The following WDR70 variants were observed in gnomAD, a reference collection of about 807,000 sequenced individuals.
The protein encoded by WDR70 is WD repeat domain 70.
In WDR70, 53 loss-of-function variants were observed where a neutral mutation model predicts 88.6. The observed-to-expected ratio is 0.60, with a 90% CI of 0.48 to 0.75. The LOEUF is 0.75. Among genes scored for constraint, WDR70 ranks in the 30% least tolerant of loss-of-function variants. WDR70 has a pLI of 0.00. For missense variants in WDR70, 610 were observed against 823.2 expected, an observed-to-expected ratio of 0.74 and a Z score of 3.17; for synonymous variants, 280 against 270.0, an observed-to-expected ratio of 1.04 and a Z score of -0.36.
At chr5:37,655,791 T>A (rs966016743) in intron 10 of WDR70, among the ~76,000 whole-genome samples, 1 of 151,916 alleles carries the variant, frequency 6.6e-6, no homozygotes, top group African/African-American at 2.4e-5. Context: ...CTCCATCAGA[T>A]CATTTATGTT....
intron 4 of WDR70, among the ~76,000 whole-genome samples, 192 bp from the exon 5 acceptor site, chr5:37,396,183 C>T (rs369352341): frequency 2.7e-3 from 83 of 31,224 alleles, no homozygotes; most frequent in East Asian, 0.024. Context: ...CTGCGTAAGA[C>T]GGTTTTTTTT....
At position 37,729,547 on chromosome 5, in the gene WDR70, C is replaced by T. The variant is rs12173088; in HGVS notation, c.1877+2502C>T. Reference sequence around the variant, plus strand: ...CCAGCTCTTATTTGTTCAGGTCTGGCATATACATTAACTAGTTTTAGAATT... The same window carrying T: ...CCAGCTCTTATTTGTTCAGGTCTGGTATATACATTAACTAGTTTTAGAATT... On this transcript the variant is annotated intron_variant, in intron 17 of 17. Coordinates refer to ENST00000265107, the MANE Select transcript of WDR70 (RefSeq NM_018034.4). Among the ~76,000 whole-genome samples, 965 of 152,284 alleles carry T rather than the reference C, an allele frequency of 6.3e-3. 6 individuals are homozygous for T. The highest frequency in any genetic ancestry group is 0.018 in the African/African-American group (733 of 41,554).
At chr5:37,452,953 C>G (rs1031996521) in intron 7 of WDR70, among the ~76,000 whole-genome samples, 1 of 152,294 alleles carries the variant, frequency 6.6e-6, no homozygotes, top group Non-Finnish European at 1.5e-5. Context: ...TTGGGCATCT[C>G]TGACGAATTT....
rs1017512999 is a variant in WDR70, at chr5:37,392,094, C to T, written c.270C>T (p.Val90=). 1 of 1,610,910 alleles carries T rather than the reference C, an allele frequency of 6.2e-7. No homozygotes were observed. The highest frequency in any genetic ancestry group is 1.3e-5 in the African/African-American group (1 of 74,566). The change falls in exon 4 of 18, where the codon GTC becomes GTT. Residue 90 remains valine, a synonymous_variant. Coordinates refer to ENST00000265107, the MANE Select transcript of WDR70 (RefSeq NM_018034.4). ...IEPTSSRSNV[V]RDCSKSSSRD... ...CAACATCCTCAAGATCAAATGTGGT[C>T]AGAGATTGCTCCAAATCATCTTCCA...
chr5:37,448,810 C>T (rs1402138363), intron 7 of WDR70, among the ~76,000 whole-genome samples: 22 of 152,016 alleles, frequency 1.4e-4, no homozygotes, highest in Admixed American at 1.4e-3. Flanking sequence ...TAGTCCCTGA[C>T]TGTTTCTCAG....
intron 10 of WDR70, among the ~76,000 whole-genome samples, chr5:37,657,087 C>T (rs554571217): frequency 2.6e-5 from 4 of 152,254 alleles, no homozygotes; most frequent in East Asian, 1.9e-4. Context: ...CCCAAATGGC[C>T]GCCCAGTTTT....
intron 9 of WDR70, among the ~76,000 whole-genome samples, chr5:37,527,549 A>T (rs1207637094): frequency 6.6e-6 from 1 of 152,222 alleles, no homozygotes; most frequent in Non-Finnish European, 1.5e-5. Flanking sequence ...AACCTAGGCA[A>T]TACAATTCAG....
intron 8 of WDR70, chr5:37,506,916 CA>C: frequency 1.1e-6 from 1 of 871,210 alleles, no homozygotes; most frequent in Non-Finnish European, 2.0e-6. Flanking sequence ...GTCCTCCTCC[CA>C]CCTTTTTCTC....
At chr5:37,457,870 G>A (rs999489005) in intron 7 of WDR70, among the ~76,000 whole-genome samples, 1 of 151,972 alleles carries the variant, frequency 6.6e-6, no homozygotes, top group East Asian at 1.9e-4. Flanking sequence ...ATGTTGAATA[G>A]GAGCGGTGAG....
intron 8 of WDR70, among the ~76,000 whole-genome samples, chr5:37,481,341 T>A (rs1413325236): frequency 6.6e-6 from 1 of 151,996 alleles, no homozygotes; most frequent in Non-Finnish European, 1.5e-5. Context: ...CCCCCCCCGC[T>A]CCCTGCAGCA....
intron 9 of WDR70, among the ~76,000 whole-genome samples, chr5:37,527,726 C>G (rs1741334445): frequency 6.6e-6 from 1 of 152,144 alleles, no homozygotes; most frequent in East Asian, 1.9e-4. Flanking sequence ...TTTTTGCAAT[C>G]TACTCATCTG....
At position 37,722,882 on chromosome 5, in the gene WDR70, C is replaced by G; in HGVS notation, c.1545C>G (p.Thr515=). The stretch of plus-strand genomic sequence containing the variant: ...GAGCAAAATTATGTGTGGTTAAAAC[C>G]CAGCGGAAGGCAAAACAAGCTGAGA... ...QRGAKLCVVK[T]QRKAKQAETL... The change falls in exon 15 of 18, where the codon ACC becomes ACG. Residue 515 remains threonine (T), a synonymous_variant. Coordinates refer to ENST00000265107, the MANE Select transcript of WDR70 (RefSeq NM_018034.4). 5 of 1,613,548 alleles carry G rather than the reference C, an allele frequency of 3.1e-6. No individual in the cohort carries two copies. The South Asian group carries it at 4.4e-5, about 14-fold the overall frequency.
rs549470575 is a variant in WDR70 at position 37,573,542 on chromosome 5, C to T, written c.918-31522C>T. Among the ~76,000 whole-genome samples, 46 of 139,082 alleles carry T rather than the reference C, an allele frequency of 3.3e-4. No homozygotes were observed. The South Asian group carries it at 0.012, about 36-fold the overall frequency. The allele number at this position is 139,082 out of a possible 152,430, so 91.2% of individuals were successfully genotyped here. On this transcript the variant is annotated intron_variant, in intron 9 of 17. Transcript: ENST00000265107. ...CTATCCCTCCCCCCTCCCCCCACCC[C>T]ACAACAGCCCCCAGTGTGTGATGTG...
intron 10 of WDR70, among the ~76,000 whole-genome samples, chr5:37,663,669 G>A (rs1421517186): frequency 6.6e-6 from 1 of 152,044 alleles, no homozygotes; most frequent in African/African-American, 2.4e-5. Context: ...GAAAAATAGG[G>A]ACAATAGGCC....
chr5:37,462,954 G>C lies in WDR70; in HGVS notation c.687-16880G>C, dbSNP rs1331811411. On this transcript the variant is annotated intron_variant, in intron 7 of 17. Coordinates refer to ENST00000265107, the MANE Select transcript of WDR70 (RefSeq NM_018034.4). The stretch of plus-strand genomic sequence containing the variant: ...CATCTCTGTATAGTGTTGCCATCTA[G>C]TCTTGTCTCCTCATTTTCCATGAAA... Among the ~76,000 whole-genome samples the C allele has an allele frequency of 3.3e-5, 5 of 152,150 alleles. No individual in the cohort carries two copies. In the East Asian group the frequency reaches 7.7e-4, roughly 24 times the overall value.
At chr5:37,670,884 AT>A (rs1746006233) in intron 10 of WDR70, among the ~76,000 whole-genome samples, 1 of 152,218 alleles carries the variant, frequency 6.6e-6, no homozygotes, top group Non-Finnish European at 1.5e-5. Flanking sequence ...AATATTTGGC[AT>A]GTAAATATTA....
chr5:37,648,895 T>C (rs75415480), intron 10 of WDR70, among the ~76,000 whole-genome samples: 1,716 of 152,344 alleles, frequency 0.011, 38 homozygotes, highest in African/African-American at 0.04. Flanking sequence ...GAATTTTGCT[T>C]CTTATTAGTT....
chr5:37,393,149 T>A (rs1748897971), intron 4 of WDR70, among the ~76,000 whole-genome samples: 1 of 152,046 alleles, frequency 6.6e-6, no homozygotes, highest in South Asian at 2.1e-4. Context: ...TTCAAGCAGT[T>A]CTCTGCCTCA....
intron 7 of WDR70, among the ~76,000 whole-genome samples, chr5:37,464,751 C>G (rs1739105522): frequency 6.6e-6 from 1 of 152,190 alleles, no homozygotes. Flanking sequence ...CTGGGTGCTG[C>G]TGACTGCTGT....
Sources: gnomAD v4.1 joint callset for allele counts (sites outside exome capture counted in the v4.1 genomes callset) on GRCh38, gnomAD v4.1.1 for gene constraint, MANE v1.5 for transcripts, NCBI Gene and HGNC (gene_info 2026-07-23, HGNC 2026-07-21) for gene names.